D2HGDH: variants seen among roughly 807,000 people sequenced by gnomAD.
D2HGDH encodes D-2-hydroxyglutarate dehydrogenase, mitochondrial.
A neutral mutation model predicts 46.9 loss-of-function variants in D2HGDH; 31 were observed. The ratio of observed to expected loss-of-function variants is 0.66; its 90% CI spans 0.50 to 0.89. The LOEUF is 0.89. D2HGDH is among the 40% of genes least tolerant of loss of function. The pLI, the probability that D2HGDH is intolerant of heterozygous loss-of-function variation, is 0.00. For synonymous variants in D2HGDH, 364 were observed against 332.6 expected (o/e 1.09, Z -1.03); for missense variants, 698 against 720.8 (o/e 0.97, Z 0.36).
At chr2:241,741,169 G>T in intron 3 of D2HGDH, 79 bp downstream of exon 3, 1 of 1,390,398 alleles carries the variant, frequency 7.2e-7, no homozygotes, top group East Asian at 2.4e-5. Flanking sequence ...TGGGCAGCTG[G>T]GGTGACGCGG....
chr2:241,755,533 G>T (rs747043251), intron 8 of D2HGDH: 2 of 1,382,810 alleles, frequency 1.4e-6, no homozygotes, highest in Admixed American at 2.2e-5. Context: ...TGTCCCAGCC[G>T]CCTGATTGCC....
rs1433873286 is a variant in D2HGDH, at chr2:241,743,595, C to T, written c.491-27C>T. On this transcript the variant is annotated intron_variant, in intron 4 of 9. Transcript: ENST00000321264. The surrounding 1 kb of genome is among the most constrained non-coding windows in gnomAD (Gnocchi z 4.8). ...CCGGGGGCCCACTGGAAGCCAAGTGCTGCGGCAGCCTGGTCACTCTCTGCA... is the reference window on the plus strand; with the variant it reads ...CCGGGGGCCCACTGGAAGCCAAGTGTTGCGGCAGCCTGGTCACTCTCTGCA... 1.2e-6 allele frequency: 2 copies of T among 1,606,572 alleles called. No individual in the cohort carries two copies. Among genetic ancestry groups the T allele is most frequent in the Non-Finnish European group, 1.7e-6 (2 of 1,177,320 alleles).
intron 8 of D2HGDH, among the ~76,000 whole-genome samples, chr2:241,751,996 GATAGT>G (rs1358534775): frequency 7.8e-6 from 1 of 128,222 alleles, no homozygotes; most frequent in African/African-American, 3.2e-5. Flanking sequence ...CCGGGGCCTG[GATAGT>G]GGGAGCCATT....
At chr2:241,760,924 TTC>T (rs756280932) in intron 9 of D2HGDH, among the ~76,000 whole-genome samples, 4 of 152,226 alleles carry the variant, frequency 2.6e-5, no homozygotes, top group Admixed American at 1.3e-4. Flanking sequence ...CTCTCCATCT[TTC>T]TCTCTCTGTT....
At chr2:241,765,034 G>T (rs1416142649) in intron 9 of D2HGDH, among the ~76,000 whole-genome samples, 1 of 152,242 alleles carries the variant, frequency 6.6e-6, no homozygotes, top group Non-Finnish European at 1.5e-5. Context: ...AGAGGAGGCA[G>T]CTGGGAGCCA....
At chr2:241,761,407 C>T (rs559252535) in intron 9 of D2HGDH, among the ~76,000 whole-genome samples, 1 of 152,162 alleles carries the variant, frequency 6.6e-6, no homozygotes, top group African/African-American at 2.4e-5. Flanking sequence ...GGCATGGTGG[C>T]GTGTGCCTGT....
intron 8 of D2HGDH, among the ~76,000 whole-genome samples, chr2:241,754,203 A>AGG (rs1559386856): frequency 2.0e-5 from 3 of 152,166 alleles, no homozygotes; most frequent in African/African-American, 7.2e-5. Flanking sequence ...AGAAGGCCTC[A>AGG]CAGGCAGCCG....
chr2:241,752,686 A>G (rs1383458118), intron 8 of D2HGDH, among the ~76,000 whole-genome samples: 1 of 151,882 alleles, frequency 6.6e-6, no homozygotes, highest in Non-Finnish European at 1.5e-5. Flanking sequence ...CGTGAGCCCA[A>G]CTGCCCTTGG....
chr2:241,737,997 C>T (rs1229020279), intron 2 of D2HGDH, among the ~76,000 whole-genome samples: 2 of 152,120 alleles, frequency 1.3e-5, no homozygotes, highest in Non-Finnish European at 2.9e-5. Flanking sequence ...TCTGGGAGTG[C>T]AGCGTATGTT....
At chr2:241,752,933 C>T (rs1179736162) in intron 8 of D2HGDH, among the ~76,000 whole-genome samples, 6 of 149,650 alleles carry the variant, frequency 4.0e-5, no homozygotes, top group Non-Finnish European at 5.9e-5. Context: ...TCATCCCCCA[C>T]GCCACCCCCA....
At chr2:241,740,147 A>G (rs1252935383) in intron 2 of D2HGDH, among the ~76,000 whole-genome samples, 1 of 152,186 alleles carries the variant, frequency 6.6e-6, no homozygotes, top group Non-Finnish European at 1.5e-5. Flanking sequence ...CCTGTTTCAA[A>G]AGAAATAAAA....
At chr2:241,763,737 A>G (rs988297285) in intron 9 of D2HGDH, among the ~76,000 whole-genome samples, 3 of 152,182 alleles carry the variant, frequency 2.0e-5, no homozygotes, top group East Asian at 3.8e-4. Flanking sequence ...CTGTATTCAC[A>G]TACTTTGTGG....
At chr2:241,744,536 CT>C (rs1033320346) in intron 5 of D2HGDH, among the ~76,000 whole-genome samples, 172 bp from the exon 6 acceptor site, 1 of 152,188 alleles carries the variant, frequency 6.6e-6, no homozygotes, top group African/African-American at 2.4e-5. Context: ...GGCGTGCCCC[CT>C]GGGCAGTGAG....
chr2:241,767,444 A>G (rs868553814), intron 9 of D2HGDH, among the ~76,000 whole-genome samples: 1 of 41,854 alleles, frequency 2.4e-5, no homozygotes. Context: ...GAGTAGGAAG[A>G]GGGGGGAGAA....
chr2:241,748,519 C>A (rs1189062991), intron 6 of D2HGDH, among the ~76,000 whole-genome samples: 2 of 152,202 alleles, frequency 1.3e-5, no homozygotes, highest in Admixed American at 6.5e-5. Flanking sequence ...GGGTGGAGGC[C>A]CCTTCTCCTG....
intron 2 of D2HGDH, among the ~76,000 whole-genome samples, 164 bp downstream of exon 2, chr2:241,735,680 A>G (rs1692578952): frequency 6.6e-6 from 1 of 152,210 alleles, no homozygotes; most frequent in Non-Finnish European, 1.5e-5. Flanking sequence ...ATGAATGACC[A>G]CGAACGAGTC....
Position 241,767,912 on chromosome 2 carries a change from C to T in D2HGDH, c.1509C>T (p.Ala503=), listed in dbSNP as rs781753761. The T allele has an allele frequency of 1.7e-5, 28 of 1,602,398 alleles. No individual in the cohort carries two copies. In the East Asian group the frequency reaches 6.3e-4, roughly 36 times the overall value. ...TGCAGCTCATGCAGCAGCTCAAGGC[C>T]CTGCTGGACCCCAAGGGCATCCTCA... is the stretch of plus-strand genomic sequence containing the variant. ...GALQLMQQLK[A]LLDPKGILNP... Residue 503 remains alanine (A), a synonymous_variant, in exon 10 of 10, where the codon GCC becomes GCT. Coordinates refer to ENST00000321264, the MANE Select transcript of D2HGDH (RefSeq NM_152783.5).
intron 2 of D2HGDH, among the ~76,000 whole-genome samples, chr2:241,737,767 G>A (rs7564059): frequency 0.011 from 1,744 of 152,298 alleles, 40 homozygotes; most frequent in African/African-American, 0.04. Flanking sequence ...GCATGTGTCT[G>A]TGTGCTAAAA....
At position 241,744,971 on chromosome 2, in the gene D2HGDH, G is replaced by GGCCCCCC. The variant is rs1695459059; in HGVS notation, c.853+94_853+95insGCCCCCC. 2.8e-6 allele frequency: 4 copies of GGCCCCCC among 1,441,022 alleles called. No individual in the cohort carries two copies. The African/African-American group carries it at 6.8e-5, about 25-fold the overall frequency. 89.3% of individuals were successfully genotyped at this position (1,441,022 alleles called of 1,614,324 possible). On this transcript the variant is annotated intron_variant, in intron 6 of 9. Transcript: ENST00000321264. ...GTTGGTGTGAGGAAGGGGATGGAGG[G>GGCCCCCC]ACCCCCCGCCAAGGACAGTCGGTTC...
Sources: allele counts gnomAD v4.1 joint callset (sites outside exome capture counted in the v4.1 genomes callset), GRCh38; gene constraint gnomAD v4.1.1; non-coding constraint Gnocchi (gnomAD v3.1); transcripts MANE v1.5; gene names NCBI Gene and HGNC (gene_info 2026-07-23, HGNC 2026-07-21).